The following MMS22L variants were observed in gnomAD, a reference collection of about 807,000 sequenced individuals.
MMS22L encodes the protein MMS22 like, DNA repair protein.
In MMS22L, 74 loss-of-function variants were observed where a neutral mutation model predicts 159.1. The ratio of observed to expected loss-of-function variants is 0.47; its 90% confidence interval spans 0.39 to 0.56. MMS22L has a LOEUF of 0.56. Among genes scored for constraint, MMS22L ranks in the 20% least tolerant of loss-of-function variants. The pLI, the probability that MMS22L is intolerant of heterozygous loss-of-function variation, is 0.00. For synonymous variants in MMS22L, 517 were observed against 506.9 expected (o/e 1.02, Z -0.27); for missense variants, 1,351 against 1,422.1 (o/e 0.95, Z 0.80).
At chr6:97,255,086 C>A (rs944441065) in intron 9 of MMS22L, among the ~76,000 whole-genome samples, 6 of 151,978 alleles carry the variant, frequency 3.9e-5, no homozygotes, top group Admixed American at 2.0e-4. Context: ...TATTCTCAAG[C>A]GGCTTGTTTC....
chr6:97,161,945 A>G, intron 22 of MMS22L, 57 bp downstream of exon 22: 1 of 1,511,942 alleles, frequency 6.6e-7, no homozygotes, highest in Non-Finnish European at 9.1e-7. Context: ...GAGGGGAAAC[A>G]GTAGTTTCTT....
intron 4 of MMS22L, among the ~76,000 whole-genome samples, chr6:97,273,454 T>C (rs1815954713): frequency 6.6e-6 from 1 of 152,188 alleles, no homozygotes; most frequent in Non-Finnish European, 1.5e-5. Flanking sequence ...CTCTACTCTC[T>C]GTATATCTCT....
Position 97,272,805 on chromosome 6 carries a change from C to G in MMS22L, c.505G>C (p.Val169Leu), listed in dbSNP as rs767923156. 4.3e-6 allele frequency: 7 copies of G among 1,614,040 alleles called. No individual in the cohort carries two copies. In the East Asian group the frequency reaches 1.1e-4, roughly 26 times the overall value. The change falls in exon 6 of 25, where the codon GTG becomes CTG. Residue 169 changes from valine to leucine, a missense_variant. By Grantham distance (32) the Val-to-Leu change is conservative. Coordinates refer to ENST00000683635, the MANE Select transcript of MMS22L (RefSeq NM_001350599.2). ...AATCCATGAAGCTCATCAATCAACA[C>G]TGAGGGAAGCTGAGCCTCCAAAGCC... The part of the protein sequence containing the change: ...YEALEAQLPS[V>L]LIDELHGLLL...
At chr6:97,245,041 G>A (rs904878465) in intron 11 of MMS22L, among the ~76,000 whole-genome samples, 4 of 152,026 alleles carry the variant, frequency 2.6e-5, no homozygotes, top group Admixed American at 6.6e-5. Context: ...TCTCACTCCC[G>A]CTATGCTCCC....
At chr6:97,181,802 G>A in intron 16 of MMS22L, 102 bp downstream of exon 16, 1 of 1,225,084 alleles carries the variant, frequency 8.2e-7, no homozygotes, top group Non-Finnish European at 1.1e-6. Flanking sequence ...GAGAGTATAT[G>A]TAGTAGAGAT....
Position 97,233,955 on chromosome 6 carries a change from C to T in MMS22L, c.1208G>A (p.Arg403Gln), listed in dbSNP as rs763945699. The change falls in exon 12 of 25, where the codon CGA becomes CAA. Residue 403 changes from arginine (R) to glutamine (Q), a missense_variant. By Grantham distance (43) the Arg-to-Gln change is conservative. Transcript: ENST00000683635. ...TGTCAAACAACAGTGAAGATACATT[C>T]GTAATTGTTCTTCTAGAATGACACC... ...VQGVILEEQLRMYLHCCLTLC... is the reference protein window; with the variant it reads ...VQGVILEEQLQMYLHCCLTLC... 1.2e-5 allele frequency: 19 copies of T among 1,608,286 alleles called. No homozygotes were observed. The highest frequency in any genetic ancestry group is 8.0e-5 in the African/African-American group (6 of 74,654).
chr6:97,204,423 C>G (rs557902808), intron 14 of MMS22L, among the ~76,000 whole-genome samples: 5 of 152,138 alleles, frequency 3.3e-5, no homozygotes, highest in Non-Finnish European at 5.9e-5. Flanking sequence ...CATCACAGAT[C>G]ACTCTAAACA....
intron 7 of MMS22L, among the ~76,000 whole-genome samples, chr6:97,269,383 C>G (rs1031607656): frequency 1.3e-5 from 2 of 152,108 alleles, no homozygotes; most frequent in African/African-American, 2.4e-5. Flanking sequence ...TGCCACTCTA[C>G]TTCTAAGAAT....
chr6:97,142,267 A>G lies in MMS22L; in HGVS notation c.*4539T>C, dbSNP rs901290741. 3 of 152,278 alleles carry G rather than the reference A, an allele frequency of 2.0e-5. No homozygotes were observed. Among genetic ancestry groups the G allele is most frequent in the Admixed American group, 6.5e-5 (1 of 15,270 alleles). The allele number at this position is 152,278 out of a possible 1,614,324, so 9.4% of individuals were successfully genotyped here. A position where few individuals can be genotyped will look rare whatever the true frequency, so the allele number is the denominator to read the frequency against. On this transcript the variant is annotated 3_prime_UTR_variant, in exon 25 of 25. Coordinates refer to ENST00000683635, the MANE Select transcript of MMS22L (RefSeq NM_001350599.2). ...ATGTCCACAATTTTTCTAAAAGCACAATTCACAAATGCAATGAATTGGATA... is the reference window on the plus strand; with the variant it reads ...ATGTCCACAATTTTTCTAAAAGCACGATTCACAAATGCAATGAATTGGATA...
intron 4 of MMS22L, among the ~76,000 whole-genome samples, chr6:97,273,881 C>G (rs541729817): frequency 6.6e-6 from 1 of 152,264 alleles, no homozygotes; most frequent in Admixed American, 6.5e-5. Flanking sequence ...AGTAAAAAAT[C>G]TGCTTAAAAT....
Position 97,241,375 on chromosome 6 carries a change from CATA to C in MMS22L, c.1182+5250_1182+5252del, listed in dbSNP as rs1274190621. On this transcript the variant is annotated intron_variant, in intron 11 of 24. Coordinates refer to ENST00000683635, the MANE Select transcript of MMS22L (RefSeq NM_001350599.2). ...TTCTTTTAGTTCTCTAAGGAATATC[CATA>C]ATGTTTTCCACAGTGTTTGTACTAG... Among the ~76,000 whole-genome samples the C allele has an allele frequency of 2.0e-5, 3 of 152,288 alleles. No individual in the cohort carries two copies. In the East Asian group the frequency reaches 5.8e-4, roughly 29 times the overall value.
At chr6:97,213,109 A>T (rs759243112) in intron 14 of MMS22L, among the ~76,000 whole-genome samples, 1 of 152,036 alleles carries the variant, frequency 6.6e-6, no homozygotes, top group Non-Finnish European at 1.5e-5. Context: ...TTTTTCTGTG[A>T]AGAAAATGAG....
intron 12 of MMS22L, among the ~76,000 whole-genome samples, chr6:97,233,078 A>G (rs1483052710): frequency 6.6e-6 from 1 of 152,016 alleles, no homozygotes; most frequent in African/African-American, 2.4e-5. Context: ...AAAAAAAAAA[A>G]AAGCTTTCTC....
At chr6:97,233,600 T>C (rs1811091895) in intron 12 of MMS22L, among the ~76,000 whole-genome samples, 1 of 152,124 alleles carries the variant, frequency 6.6e-6, no homozygotes, top group Admixed American at 6.5e-5. Context: ...TAAATGAAGA[T>C]TTTATAAATA....
intron 9 of MMS22L, among the ~76,000 whole-genome samples, chr6:97,262,426 C>G (rs1814581933): frequency 6.6e-6 from 1 of 152,026 alleles, no homozygotes; most frequent in Admixed American, 6.5e-5. Context: ...AGGCAGATCA[C>G]TTGAGGTCAG....
At chr6:97,201,266 G>GT (rs1189570127) in intron 14 of MMS22L, among the ~76,000 whole-genome samples, 2 of 152,040 alleles carry the variant, frequency 1.3e-5, no homozygotes, top group African/African-American at 4.8e-5. Context: ...AAAAATCAGT[G>GT]TTTTTCTTTA....
intron 24 of MMS22L, among the ~76,000 whole-genome samples, chr6:97,148,077 C>T (rs1800996997): frequency 6.6e-6 from 1 of 152,022 alleles, no homozygotes; most frequent in Admixed American, 6.6e-5. Flanking sequence ...TGATGGATCC[C>T]ATTAAGATTA....
At chr6:97,254,375 A>T in intron 10 of MMS22L, 182 bp downstream of exon 10, 1 of 572,082 alleles carries the variant, frequency 1.7e-6, no homozygotes. Flanking sequence ...TTTTTTAATT[A>T]AACAATTAAA....
At chr6:97,214,349 A>G (rs956104176) in intron 14 of MMS22L, among the ~76,000 whole-genome samples, 4 of 152,346 alleles carry the variant, frequency 2.6e-5, no homozygotes, top group Non-Finnish European at 4.4e-5. Context: ...ATATCTACAC[A>G]ATGAACACCA....
Sources: gnomAD v4.1 joint callset for allele counts (sites outside exome capture counted in the v4.1 genomes callset) on GRCh38, gnomAD v4.1.1 for gene constraint, MANE v1.5 for transcripts, NCBI Gene and HGNC (gene_info 2026-07-23, HGNC 2026-07-21) for gene names.